The following SOX6 variants were observed in gnomAD, a reference collection of about 807,000 sequenced individuals.
The protein encoded by SOX6 is transcription factor SOX-6.
Under a neutral mutation model 97.8 loss-of-function variants are expected in SOX6, and 11 were observed. The ratio of observed to expected loss-of-function variants is 0.11; its 90% CI spans 0.07 to 0.19. The LOEUF is 0.19. SOX6 is among the 10% of genes least tolerant of loss of function. SOX6 has a pLI of 1.00. For missense variants in SOX6, 810 were observed against 1,039.5 expected, an observed-to-expected ratio of 0.78 and a Z score of 3.04; for synonymous variants, 360 against 371.4, an observed-to-expected ratio of 0.97 and a Z score of 0.35.
chr11:16,125,279 A>C (rs992901026), intron 6 of SOX6, among the ~76,000 whole-genome samples: 2 of 152,052 alleles, frequency 1.3e-5, no homozygotes, highest in African/African-American at 4.8e-5. Flanking sequence ...ATTTCAATGA[A>C]ATTTTAGGCA....
At chr11:16,195,429 C>A (rs933698276) in intron 4 of SOX6, among the ~76,000 whole-genome samples, 5 of 152,230 alleles carry the variant, frequency 3.3e-5, no homozygotes, top group African/African-American at 1.2e-4. Flanking sequence ...TACCAAGAAT[C>A]CTAATGCTAT....
In SOX6 at chr11:16,475,538, C is replaced by A. The variant is rs971533567; in HGVS notation, c.-5+777G>T. Among the ~76,000 whole-genome samples the A allele has an allele frequency of 4.6e-5, 7 of 152,262 alleles. No individual in the cohort carries two copies. In the East Asian group the frequency reaches 7.7e-4, roughly 17 times the overall value. ...ATGGAAGAACAGCCAGTTGGTGGAA[C>A]AATCAGAATACACACAATACACACA... On this transcript the variant is annotated intron_variant, in intron 1 of 15. Transcript: ENST00000396356.
intron 7 of SOX6, among the ~76,000 whole-genome samples, chr11:16,106,422 T>TAAAA (rs760047639): frequency 6.6e-6 from 1 of 151,750 alleles, no homozygotes; most frequent in Non-Finnish European, 1.5e-5. Context: ...AGCTCAAAAT[T>TAAAA]AAAACCTTTA....
intron 3 of SOX6, among the ~76,000 whole-genome samples, chr11:16,636,943 A>G (rs1003140881): frequency 6.6e-6 from 1 of 152,108 alleles, no homozygotes; most frequent in African/African-American, 2.4e-5. Context: ...TTCCTTTATA[A>G]ATTGCCCAGT....
intron 5 of SOX6, among the ~76,000 whole-genome samples, chr11:16,186,154 G>T (rs766356900): frequency 1.6e-4 from 25 of 152,010 alleles, no homozygotes; most frequent in Non-Finnish European, 3.4e-4. Flanking sequence ...AGTCAATCAG[G>T]TCAAATACTT....
intron 13 of SOX6, among the ~76,000 whole-genome samples, chr11:15,992,991 G>T (rs572475048): frequency 5.6e-4 from 85 of 152,102 alleles, no homozygotes; most frequent in African/African-American, 1.9e-3. Flanking sequence ...AGTATTAGAG[G>T]CCACAAAGTC....
chr11:16,259,212 A>G (rs1462939346), intron 3 of SOX6, among the ~76,000 whole-genome samples: 2 of 152,048 alleles, frequency 1.3e-5, no homozygotes, highest in East Asian at 3.9e-4. Flanking sequence ...AAAACAATAA[A>G]TCTACAAAAT....
At chr11:16,279,687 T>C (rs531191789) in intron 3 of SOX6, among the ~76,000 whole-genome samples, 1 of 152,210 alleles carries the variant, frequency 6.6e-6, no homozygotes, top group Admixed American at 6.6e-5. Context: ...GTAAATATGC[T>C]GAAAGTTAGT....
At chr11:16,539,894 A>C (rs1861375963) in intron 4 of SOX6, among the ~76,000 whole-genome samples, 1 of 152,200 alleles carries the variant, frequency 6.6e-6, no homozygotes, top group Non-Finnish European at 1.5e-5. Flanking sequence ...AGAGGTACAA[A>C]GAGGAGCTGG....
At chr11:16,706,347 C>G (rs1415499452) in intron 3 of SOX6, among the ~76,000 whole-genome samples, 1 of 145,386 alleles carries the variant, frequency 6.9e-6, no homozygotes. Flanking sequence ...ACTCAGGAGG[C>G]TGAGGCTGGA....
intron 1 of SOX6, among the ~76,000 whole-genome samples, chr11:16,369,406 T>C (rs919337902): frequency 6.6e-6 from 1 of 152,182 alleles, no homozygotes; most frequent in African/African-American, 2.4e-5. Context: ...CTATATAATA[T>C]ACTTACTTGT....
chr11:16,025,238 T>A (rs998682834), intron 12 of SOX6, among the ~76,000 whole-genome samples: 1 of 152,204 alleles, frequency 6.6e-6, no homozygotes. Context: ...CTCCTACTTA[T>A]ATGTGGTTTC....
chr11:16,440,124 A>G (rs1859474966), intron 1 of SOX6, among the ~76,000 whole-genome samples: 1 of 152,234 alleles, frequency 6.6e-6, no homozygotes, highest in Admixed American at 6.5e-5. Context: ...CTCCAATATT[A>G]CAAAGGTGTG....
chr11:16,265,162 C>T (rs1854040438), intron 3 of SOX6, among the ~76,000 whole-genome samples: 1 of 151,820 alleles, frequency 6.6e-6, no homozygotes, highest in African/African-American at 2.4e-5. Context: ...GCAGAGGGGT[C>T]CCTTGAGTGC....
chr11:16,182,476 A>T (rs1172398937), intron 6 of SOX6, among the ~76,000 whole-genome samples: 1 of 151,768 alleles, frequency 6.6e-6, no homozygotes, highest in African/African-American at 2.4e-5. Context: ...TGAAAATTCT[A>T]ATAAGGGCAG....
intron 13 of SOX6, among the ~76,000 whole-genome samples, chr11:16,012,351 C>T (rs1163383103): frequency 6.6e-6 from 1 of 152,018 alleles, no homozygotes; most frequent in Non-Finnish European, 1.5e-5. Context: ...CCCATGCTAG[C>T]AGTCCTCACA....
intron 1 of SOX6, among the ~76,000 whole-genome samples, chr11:16,349,179 G>T (rs1188709789): frequency 1.3e-5 from 2 of 152,086 alleles, no homozygotes; most frequent in East Asian, 3.8e-4. Flanking sequence ...TTAGAAAAGT[G>T]ATTTTATTTC....
chr11:16,345,417 T>C (rs570723626), intron 1 of SOX6, among the ~76,000 whole-genome samples: 1 of 152,078 alleles, frequency 6.6e-6, no homozygotes, highest in African/African-American at 2.4e-5. Context: ...TGCCAGGCCA[T>C]TGGGAAGAAC....
intron 6 of SOX6, among the ~76,000 whole-genome samples, chr11:16,129,100 T>G (rs2134016982): frequency 6.7e-6 from 1 of 148,730 alleles, no homozygotes; most frequent in Non-Finnish European, 1.5e-5. Flanking sequence ...ACTCCCGACC[T>G]CAGGTGATCT....
Sources: allele counts gnomAD v4.1 joint callset (sites outside exome capture counted in the v4.1 genomes callset), GRCh38; gene constraint gnomAD v4.1.1; transcripts MANE v1.5; gene names NCBI Gene and HGNC (gene_info 2026-07-23, HGNC 2026-07-21).